The following GRIK1 variants were observed in gnomAD, a reference collection of about 807,000 sequenced individuals.
GRIK1 encodes the protein glutamate receptor ionotropic, kainate 1.
GRIK1 carries 69 observed loss-of-function variants against 105.7 expected under a neutral mutation model. That is an observed-to-expected ratio of 0.65 (90% confidence interval 0.54 to 0.80). The LOEUF (loss-of-function observed/expected upper bound fraction) is 0.80, where lower values mean the gene tolerates loss of function less well. GRIK1 is among the 30% of genes least tolerant of loss of function. The pLI is 0.00. For missense variants in GRIK1, 1,109 were observed against 1,167.3 expected (o/e 0.95, Z 0.73); for synonymous variants, 438 against 431.3 (o/e 1.02, Z -0.19).
At chr21:29,640,045 T>C (rs2062479182) in intron 7 of GRIK1, among the ~76,000 whole-genome samples, 1 of 152,102 alleles carries the variant, frequency 6.6e-6, no homozygotes, top group African/African-American at 2.4e-5. Flanking sequence ...TCAGGAAGTT[T>C]ACCTCCTGTG....
intron 4 of GRIK1, among the ~76,000 whole-genome samples, chr21:29,662,445 G>A (rs893633992): frequency 7.2e-5 from 11 of 152,248 alleles, no homozygotes; most frequent in Admixed American, 3.9e-4. Context: ...GAGAGAATAC[G>A]GAGGAAACAA....
chr21:29,585,630 T>C (rs2091114797), intron 12 of GRIK1, among the ~76,000 whole-genome samples: 1 of 152,126 alleles, frequency 6.6e-6, no homozygotes, highest in Non-Finnish European at 1.5e-5. Flanking sequence ...CTGCATGAAT[T>C]GCTCCATCAG....
At chr21:29,750,467 C>T (rs762359075) in intron 1 of GRIK1, among the ~76,000 whole-genome samples, 92 of 152,112 alleles carry the variant, frequency 6.0e-4, no homozygotes, top group South Asian at 1.2e-3. Flanking sequence ...GCAATTTTAC[C>T]TGGAACTACA....
intron 1 of GRIK1, among the ~76,000 whole-genome samples, chr21:29,829,938 G>A (rs1327224540): frequency 6.6e-6 from 1 of 152,034 alleles, no homozygotes; most frequent in African/African-American, 2.4e-5. Flanking sequence ...AGCAAGAGAT[G>A]TGCTGGAAGA....
chr21:29,673,061 G>A lies in GRIK1; in HGVS notation c.648C>T (p.Leu216=), dbSNP rs1468652558. 1.2e-6 allele frequency: 2 copies of A among 1,612,106 alleles called. No individual in the cohort carries two copies. Among genetic ancestry groups the A allele is most frequent in the African/African-American group, 2.7e-5 (2 of 74,860 alleles). Residue 216 remains leucine (L), a synonymous_variant, in exon 4 of 18, where the codon CTC becomes CTT. Transcript: ENST00000327783. ...ACTCCTTGCCTTTCTTCATCTCCTT[G>A]AGTAAAGGCTTGGCATCTTTATTCC... The part of the protein sequence containing the change: ...PSGNKDAKPL[L]KEMKKGKEFY...
intron 7 of GRIK1, chr21:29,630,614 C>A: frequency 2.1e-6 from 1 of 471,180 alleles, no homozygotes; most frequent in South Asian, 1.5e-5. Flanking sequence ...GGACCTTGAA[C>A]CTAGAATGAG....
chr21:29,572,781 C>G (rs1438207688), intron 14 of GRIK1, among the ~76,000 whole-genome samples: 1 of 148,972 alleles, frequency 6.7e-6, no homozygotes, highest in Admixed American at 6.7e-5. Flanking sequence ...TTTTCTTCTT[C>G]TTTTTTGAGA....
At chr21:29,581,892 A>AC (rs1319301991) in intron 12 of GRIK1, among the ~76,000 whole-genome samples, 1 of 152,144 alleles carries the variant, frequency 6.6e-6, no homozygotes, top group Non-Finnish European at 1.5e-5. Context: ...TATTTACCCC[A>AC]CCAAGTAGCG....
chr21:29,890,659 G>C (rs1013916178), intron 1 of GRIK1, among the ~76,000 whole-genome samples: 10 of 152,122 alleles, frequency 6.6e-5, no homozygotes, highest in Non-Finnish European at 1.0e-4. Flanking sequence ...TAAGACTTCA[G>C]TATTTTAACA....
intron 1 of GRIK1, among the ~76,000 whole-genome samples, chr21:29,787,343 G>C (rs1020228266): frequency 6.6e-6 from 1 of 152,150 alleles, no homozygotes; most frequent in African/African-American, 2.4e-5. Flanking sequence ...ACATCATGGA[G>C]TGATTTGGGG....
chr21:29,777,752 C>A (rs2065985511), intron 1 of GRIK1, among the ~76,000 whole-genome samples: 1 of 152,086 alleles, frequency 6.6e-6, no homozygotes, highest in African/African-American at 2.4e-5. Context: ...AACGTTAATG[C>A]AGGTGACTGT....
chr21:29,650,060 G>C (rs2078822039), intron 6 of GRIK1, among the ~76,000 whole-genome samples: 1 of 151,990 alleles, frequency 6.6e-6, no homozygotes, highest in Admixed American at 6.6e-5. Context: ...ATCATCCCAG[G>C]GCTCATTTGT....
chr21:29,863,056 G>T (rs894290963), intron 1 of GRIK1, among the ~76,000 whole-genome samples: 1 of 152,140 alleles, frequency 6.6e-6, no homozygotes, highest in Non-Finnish European at 1.5e-5. Flanking sequence ...GTATCTATGT[G>T]TGTATATGTG....
chr21:29,872,256 C>G (rs546490658), intron 1 of GRIK1, among the ~76,000 whole-genome samples: 2 of 143,870 alleles, frequency 1.4e-5, no homozygotes, highest in African/African-American at 5.2e-5. Flanking sequence ...TGCAGTGGTG[C>G]GATCTTGGCT....
In GRIK1 at chr21:29,672,721, AG is replaced by A. The variant is rs774709305; in HGVS notation, c.726+261del. On this transcript the variant is annotated intron_variant, in intron 4 of 17. Transcript: ENST00000327783. ...AAAATGATGTCCTTCTCTCATCTTC[AG>A]CTGGTAGGAGTCACATACCACTCGG... Among the ~76,000 whole-genome samples the A allele has an allele frequency of 5.1e-4, 78 of 152,278 alleles. No individual in the cohort carries two copies. In the Middle Eastern group the frequency reaches 0.01, roughly 20 times the overall value.
intron 1 of GRIK1, among the ~76,000 whole-genome samples, chr21:29,695,454 ATC>A (rs1474433957): frequency 7.0e-6 from 1 of 143,290 alleles, no homozygotes; most frequent in Non-Finnish European, 1.5e-5. Context: ...CTATCTATCT[ATC>A]TATCTATCTA....
chr21:29,902,833 G>C (rs1347831387), intron 1 of GRIK1, among the ~76,000 whole-genome samples: 3 of 152,006 alleles, frequency 2.0e-5, no homozygotes, highest in Admixed American at 1.3e-4. Context: ...AGACAATCCT[G>C]GGCAAGAAGA....
chr21:29,841,894 C>T (rs996386017), intron 1 of GRIK1, among the ~76,000 whole-genome samples: 10 of 152,140 alleles, frequency 6.6e-5, no homozygotes, highest in Non-Finnish European at 1.2e-4. Context: ...CACCCAGCTA[C>T]AAAATAAGCA....
intron 3 of GRIK1, among the ~76,000 whole-genome samples, chr21:29,679,883 A>T (rs1249789131): frequency 6.6e-6 from 1 of 152,196 alleles, no homozygotes; most frequent in Non-Finnish European, 1.5e-5. Flanking sequence ...TTAAAAATAA[A>T]CTTAACATAT....
Sources: gnomAD v4.1 joint callset for allele counts (sites outside exome capture counted in the v4.1 genomes callset) on GRCh38, gnomAD v4.1.1 for gene constraint, MANE v1.5 for transcripts, NCBI Gene and HGNC (gene_info 2026-07-23, HGNC 2026-07-21) for gene names.